The following ABI3BP variants were observed in gnomAD, a reference collection of about 807,000 sequenced individuals.
ABI3BP encodes target of Nesh-SH3.
A neutral mutation model predicts 268.6 loss-of-function variants in ABI3BP; 216 were observed. The observed-to-expected ratio is 0.80, with a 90% CI of 0.72 to 0.90. The LOEUF (loss-of-function observed/expected upper bound fraction) is 0.90. Among genes scored for constraint, ABI3BP ranks in the 40% least tolerant of loss-of-function variants. The pLI is 0.00. For synonymous variants in ABI3BP, 730 were observed against 730.0 expected (o/e 1.00, Z 0.00); for missense variants, 2,090 against 2,182.4 (o/e 0.96, Z 0.84).
At chr3:100,893,806 G>A (rs1342026458) in intron 4 of ABI3BP, among the ~76,000 whole-genome samples, 1 of 152,218 alleles carries the variant, frequency 6.6e-6, no homozygotes, top group African/African-American at 2.4e-5. Context: ...CACTGCCTGT[G>A]AAAGGGCAAA....
chr3:100,796,548 C>T, intron 51 of ABI3BP, 80 bp from the exon 52 acceptor site: 1 of 1,094,140 alleles, frequency 9.1e-7, no homozygotes, highest in South Asian at 1.8e-5. Flanking sequence ...TATAAAAATC[C>T]CAGAAAGCAT....
At chr3:100,841,919 A>C in intron 21 of ABI3BP, 79 bp downstream of exon 21, 1 of 1,242,880 alleles carries the variant, frequency 8.0e-7, no homozygotes, top group Non-Finnish European at 1.1e-6. Flanking sequence ...AAAAAAAACA[A>C]AACCCAAAGC....
intron 1 of ABI3BP, among the ~76,000 whole-genome samples, chr3:100,961,764 C>T (rs1281857523): frequency 6.6e-6 from 1 of 152,178 alleles, no homozygotes; most frequent in Non-Finnish European, 1.5e-5. Flanking sequence ...CCTCTTCTTG[C>T]TTGTTAAACT....
chr3:100,837,958 T>G (rs1456660960), intron 26 of ABI3BP, among the ~76,000 whole-genome samples: 1 of 152,092 alleles, frequency 6.6e-6, no homozygotes, highest in Non-Finnish European at 1.5e-5. Flanking sequence ...CATTACAAAT[T>G]CAGAAAATAG....
At chr3:100,829,140 TAAA>T (rs58672723) in intron 33 of ABI3BP, among the ~76,000 whole-genome samples, 1 of 145,396 alleles carries the variant, frequency 6.9e-6, no homozygotes, top group African/African-American at 2.5e-5. Flanking sequence ...AAGTGGTTGT[TAAA>T]AAAAAAAAAA....
intron 63 of ABI3BP, among the ~76,000 whole-genome samples, chr3:100,764,688 T>C (rs954294786): frequency 6.6e-6 from 1 of 152,220 alleles, no homozygotes; most frequent in Non-Finnish European, 1.5e-5. Context: ...AATTCACCTA[T>C]TAAAAAGTCC....
chr3:100,823,898 A>G (rs1430722517), intron 36 of ABI3BP, among the ~76,000 whole-genome samples: 1 of 152,214 alleles, frequency 6.6e-6, no homozygotes, highest in African/African-American at 2.4e-5. Flanking sequence ...CTTATTACAT[A>G]TAAGTAAACA....
At chr3:100,761,019 C>T (rs1422769717) in intron 63 of ABI3BP, among the ~76,000 whole-genome samples, 1 of 152,086 alleles carries the variant, frequency 6.6e-6, no homozygotes, top group African/African-American at 2.4e-5. Context: ...GATTTTTCTG[C>T]TCCTCTCCCT....
chr3:100,928,422 C>T (rs1025942011), intron 1 of ABI3BP, among the ~76,000 whole-genome samples: 8 of 152,136 alleles, frequency 5.3e-5, no homozygotes, highest in African/African-American at 1.2e-4. Flanking sequence ...ATTTATTCTA[C>T]GCCACCCAAA....
Position 100,812,475 on chromosome 3 carries a change from T to G in ABI3BP, c.3413A>C (p.Glu1138Ala). ...SVTLSTESPK[E>A]TIAPAKTDYV... ...TTGGGGAACATTTTTACCTATGGTC[T>G]CCTTTGGTGACTCAGTACTAAGTGT... is the stretch of plus-strand genomic sequence containing the variant. Residue 1138 changes from glutamate (E) to alanine (A), a missense_variant, in exon 46 of 68, where the codon GAG becomes GCG. By Grantham distance (107) the Glu-to-Ala change is moderately radical. Coordinates refer to ENST00000471714, the MANE Select transcript of ABI3BP (RefSeq NM_001375547.2). The G allele has an allele frequency of 4.6e-6, 6 of 1,313,196 alleles. No homozygotes were observed. The highest frequency in any genetic ancestry group is 5.8e-6 in the Non-Finnish European group (6 of 1,031,856). The allele number at this position is 1,313,196 out of a possible 1,614,324, so 81.3% of individuals were successfully genotyped here. A position where few individuals can be genotyped will look rare whatever the true frequency, so the allele number is the denominator to read the frequency against.
rs2098805944 is a variant in ABI3BP at position 100,848,799 on chromosome 3, A to AC, written c.1576+1dup. 3 of 1,609,680 alleles carry AC rather than the reference A, an allele frequency of 1.9e-6. No homozygotes were observed. Reference sequence around the variant, plus strand: ...ATCATGTAAATATAAAGAGACATTTACCAGGTTTGGTTCTTGGCGGTTTGG... The same window carrying AC: ...ATCATGTAAATATAAAGAGACATTTACCCAGGTTTGGTTCTTGGCGGTTTGG... On this transcript the variant is annotated splice_donor_variant, in intron 18 of 67. Coordinates refer to ENST00000471714, the MANE Select transcript of ABI3BP (RefSeq NM_001375547.2). LOFTEE classifies it high-confidence loss of function.
At chr3:100,840,574 A>G (rs972536400) in intron 22 of ABI3BP, among the ~76,000 whole-genome samples, 1 of 152,234 alleles carries the variant, frequency 6.6e-6, no homozygotes, top group Non-Finnish European at 1.5e-5. Context: ...AAATATCCAC[A>G]AATCAACAAT....
chr3:100,765,121 C>A (rs995914009), intron 63 of ABI3BP, among the ~76,000 whole-genome samples: 6 of 124,008 alleles, frequency 4.8e-5, no homozygotes, highest in African/African-American at 1.2e-4. Flanking sequence ...AAAAAAAAAA[C>A]TTGGAACTTC....
At chr3:100,908,503 A>C (rs192635648) in intron 2 of ABI3BP, among the ~76,000 whole-genome samples, 3 of 152,306 alleles carry the variant, frequency 2.0e-5, no homozygotes, top group Admixed American at 2.0e-4. Flanking sequence ...GAAGAACTAC[A>C]AACCCCATAA....
chr3:100,924,821 G>A (rs1203968305), intron 2 of ABI3BP, among the ~76,000 whole-genome samples: 1 of 151,838 alleles, frequency 6.6e-6, no homozygotes, highest in Non-Finnish European at 1.5e-5. Context: ...CACCTTATAT[G>A]GAAAAAGAGC....
intron 2 of ABI3BP, among the ~76,000 whole-genome samples, chr3:100,917,027 T>C (rs1195227272): frequency 2.0e-5 from 3 of 152,234 alleles, no homozygotes; most frequent in African/African-American, 4.8e-5. Flanking sequence ...ACTTTACTAA[T>C]AGGGTAGAGT....
chr3:100,967,358 CA>C lies in ABI3BP; in HGVS notation c.79+25947del, dbSNP rs540095077. 5.5e-3 allele frequency among the ~76,000 whole-genome samples: 829 copies of C among 151,992 alleles called. 10 individuals are homozygous for C. The highest frequency in any genetic ancestry group is 0.019 in the African/African-American group (800 of 41,458). On this transcript the variant is annotated intron_variant, in intron 1 of 67. Transcript: ENST00000471714. ...CTCTGTCAAAAATACAAAAATTAGC[CA>C]GGCTTGGGATGGTGGGCCCCTGTTA...
chr3:100,772,946 G>T (rs533414518), intron 61 of ABI3BP, among the ~76,000 whole-genome samples: 1 of 151,772 alleles, frequency 6.6e-6, no homozygotes, highest in South Asian at 2.1e-4. Context: ...GGATGGTGAC[G>T]GGCACCTGTA....
intron 33 of ABI3BP, among the ~76,000 whole-genome samples, chr3:100,828,768 A>T (rs994512384): frequency 6.6e-6 from 1 of 152,168 alleles, no homozygotes; most frequent in Non-Finnish European, 1.5e-5. Context: ...CATTTTGCTG[A>T]AAACTCATCT....
Sources: gnomAD v4.1 joint callset for allele counts (sites outside exome capture counted in the v4.1 genomes callset) on GRCh38, gnomAD v4.1.1 for gene constraint, MANE v1.5 for transcripts, NCBI Gene and HGNC (gene_info 2026-07-23, HGNC 2026-07-21) for gene names.